Variants in NGLY1 observed in about 807,000 individuals in gnomAD.
NGLY1 encodes the protein N-glycanase 1, also known as peptide-N(4)-(N-acetyl-beta-glucosaminyl)asparagine amidase.
A neutral mutation model predicts 84.6 loss-of-function variants in NGLY1; 68 were observed. That is an observed-to-expected ratio of 0.80 (90% CI 0.66 to 0.98). The LOEUF (loss-of-function observed/expected upper bound fraction) is 0.98, where lower values mean the gene tolerates loss of function less well. Ranked by LOEUF, NGLY1 falls within the 50% of genes least tolerant of loss-of-function variation. The pLI is 0.00. For synonymous variants in NGLY1, 280 were observed against 275.2 expected, an observed-to-expected ratio of 1.02 and a Z score of -0.17; for missense variants, 779 against 770.2, an observed-to-expected ratio of 1.01 and a Z score of -0.14.
intron 4 of NGLY1, among the ~76,000 whole-genome samples, chr3:25,743,614 T>C (rs890536644): frequency 3.3e-5 from 5 of 152,144 alleles, no homozygotes; most frequent in African/African-American, 4.8e-5. Context: ...GTACTTAGTT[T>C]TGTTCACTGC....
intron 2 of NGLY1, among the ~76,000 whole-genome samples, chr3:25,767,865 C>T (rs765469975): frequency 1.3e-5 from 2 of 149,878 alleles, no homozygotes; most frequent in African/African-American, 4.9e-5. Flanking sequence ...GTAATCCCAG[C>T]ACTTTGGGGG....
chr3:25,737,487 CA>C, intron 5 of NGLY1, 32 bp from the exon 6 acceptor site: 1 of 1,506,532 alleles, frequency 6.6e-7, no homozygotes, highest in Non-Finnish European at 9.1e-7. Flanking sequence ...CCTTAATTAT[CA>C]AAATCAAGAT....
intron 3 of NGLY1, among the ~76,000 whole-genome samples, chr3:25,753,502 G>A (rs1189594183): frequency 1.3e-5 from 2 of 152,108 alleles, no homozygotes; most frequent in South Asian, 2.1e-4. Flanking sequence ...TACAAGTTTC[G>A]ATTGGTATAG....
intron 2 of NGLY1, among the ~76,000 whole-genome samples, chr3:25,766,363 G>A (rs1235419258): frequency 2.0e-5 from 3 of 152,054 alleles, no homozygotes; most frequent in African/African-American, 7.2e-5. Context: ...CACCATTCCC[G>A]GCCAATACTC....
At position 25,768,860 on chromosome 3, in the gene NGLY1, G is replaced by T. The variant is rs1193610881; in HGVS notation, c.247-4549C>A. The stretch of plus-strand genomic sequence containing the variant: ...CCTGGCCTCATGAGTAAGACTTTAA[G>T]AACACAGGCAACTAAAGCAAAAATT... On this transcript the variant is annotated intron_variant, in intron 2 of 11. Coordinates refer to ENST00000280700, the MANE Select transcript of NGLY1 (RefSeq NM_018297.4). Among the ~76,000 whole-genome samples the T allele has an allele frequency of 4.6e-5, 7 of 151,586 alleles. No individual in the cohort carries two copies. The East Asian group carries it at 1.4e-3, about 30-fold the overall frequency.
intron 1 of NGLY1, among the ~76,000 whole-genome samples, chr3:25,779,139 G>A (rs1708293671): frequency 6.6e-6 from 1 of 151,936 alleles, no homozygotes; most frequent in South Asian, 2.1e-4. Context: ...GTTTCACCAT[G>A]TCGACCAGGC....
chr3:25,764,364 C>G, intron 2 of NGLY1, 53 bp from the exon 3 acceptor site: 3 of 1,553,586 alleles, frequency 1.9e-6, no homozygotes, highest in South Asian at 2.4e-5. Context: ...TGCAGTCATT[C>G]TTTTGTGCAC....
At chr3:25,785,644 G>A (rs900442625), upstream of NGLY1, among the ~76,000 whole-genome samples, 5 of 148,004 alleles carry the variant, frequency 3.4e-5, no homozygotes, top group African/African-American at 1.2e-4. Context: ...GACCAGCCTG[G>A]GCAACATGGC....
At chr3:25,730,348 TTC>T (rs1234206233) in intron 9 of NGLY1, 3 of 152,104 alleles carry the variant, frequency 2.0e-5, no homozygotes, top group African/African-American at 7.2e-5. Flanking sequence ...AAAAAATGAT[TTC>T]TTTTTAAATC....
At chr3:25,721,236 T>A (rs1024312890) in intron 10 of NGLY1, among the ~76,000 whole-genome samples, 2 of 152,084 alleles carry the variant, frequency 1.3e-5, no homozygotes, top group African/African-American at 4.8e-5. Context: ...CTGGCTAATT[T>A]AAAAAAATTT....
At chr3:25,767,194 A>C (rs1707624139) in intron 2 of NGLY1, among the ~76,000 whole-genome samples, 1 of 151,838 alleles carries the variant, frequency 6.6e-6, no homozygotes, top group African/African-American at 2.4e-5. Flanking sequence ...CGGGAGGCTG[A>C]GGCAGGAGAA....
intron 1 of NGLY1, among the ~76,000 whole-genome samples, chr3:25,781,946 A>G (rs1575669987): frequency 6.6e-6 from 1 of 152,184 alleles, no homozygotes; most frequent in Admixed American, 6.5e-5. Context: ...AACCCAGCCT[A>G]TCAGTTCATT....
intron 3 of NGLY1, among the ~76,000 whole-genome samples, chr3:25,760,304 A>G (rs986161938): frequency 2.0e-5 from 3 of 152,198 alleles, no homozygotes; most frequent in Non-Finnish European, 4.4e-5. Context: ...CTAATAAGAA[A>G]AATCAAAATA....
intron 3 of NGLY1, among the ~76,000 whole-genome samples, chr3:25,759,517 G>A (rs559385869): frequency 6.6e-5 from 10 of 151,770 alleles, no homozygotes; most frequent in Non-Finnish European, 1.5e-4. Context: ...AGTTTTAATG[G>A]CACTCAAAAT....
At chr3:25,737,681 T>C (rs1037764494) in intron 5 of NGLY1, among the ~76,000 whole-genome samples, 1 of 151,924 alleles carries the variant, frequency 6.6e-6, no homozygotes, top group African/African-American at 2.4e-5. Flanking sequence ...TATCTGTGAC[T>C]ACAGGTGCAT....
At chr3:25,777,959 A>C (rs147505174) in intron 2 of NGLY1, 1 of 152,342 alleles carries the variant, frequency 6.6e-6, no homozygotes, top group Admixed American at 6.5e-5. Context: ...GAGTCTCTGT[A>C]ACTTGTTCAA....
intron 2 of NGLY1, among the ~76,000 whole-genome samples, chr3:25,774,165 G>A (rs886635134): frequency 6.6e-6 from 1 of 152,200 alleles, no homozygotes; most frequent in Non-Finnish European, 1.5e-5. Context: ...ACAGGTGGTG[G>A]AATTAGCTGT....
chr3:25,724,707 C>T (rs1275654342), intron 10 of NGLY1, among the ~76,000 whole-genome samples: 1 of 152,144 alleles, frequency 6.6e-6, no homozygotes, highest in Non-Finnish European at 1.5e-5. Flanking sequence ...ATGTCTCTCA[C>T]CTCAGTGCTT....
Position 25,729,199 on chromosome 3 carries a change from A to G in NGLY1, c.1545T>C (p.Ser515=), listed in dbSNP as rs1705414141. 1.9e-6 allele frequency: 3 copies of G among 1,564,788 alleles called. No homozygotes were observed. The highest frequency in any genetic ancestry group is 1.7e-6 in the Non-Finnish European group (2 of 1,151,888). ...VRVSNNNQTI[S]GWENGVWKME... is the part of the protein sequence containing the mutation. The stretch of plus-strand genomic sequence containing the variant: ...TTTTCCACACGCCATTCTCCCATCC[A>G]GAAATGGTTTGATTGTTATTTGAAA... The change falls in exon 10 of 12, where the codon TCT becomes TCC. Residue 515 remains serine (S), a synonymous_variant. Transcript: ENST00000280700.
Sources: gnomAD v4.1 joint callset for allele counts (sites outside exome capture counted in the v4.1 genomes callset) on GRCh38, gnomAD v4.1.1 for gene constraint, MANE v1.5 for transcripts, NCBI Gene and HGNC (gene_info 2026-07-23, HGNC 2026-07-21) for gene names.